Variants in DTWD2 observed in about 807,000 individuals in gnomAD.
The protein encoded by DTWD2 is DTW motif tRNA-uridine aminocarboxypropyltransferase 2.
A neutral mutation model predicts 31.8 loss-of-function variants in DTWD2; 39 were observed. That is an observed-to-expected ratio of 1.22 (90% CI 0.95 to 1.60). DTWD2 has a LOEUF of 1.60. Ranked by LOEUF, DTWD2 falls within the 40% of genes most tolerant of loss-of-function variation. The pLI is 0.00. For missense variants in DTWD2, 515 were observed against 381.5 expected (o/e 1.35, Z -2.92); for synonymous variants, 180 against 142.8 (o/e 1.26, Z -1.86).
intron 1 of DTWD2, among the ~76,000 whole-genome samples, chr5:118,973,401 C>T (rs1274019802): frequency 6.6e-6 from 1 of 152,100 alleles, no homozygotes; most frequent in Non-Finnish European, 1.5e-5. Flanking sequence ...ACTTGTTTTT[C>T]CTTTCCGTAT....
At chr5:118,853,422 C>T (rs547623238) in intron 4 of DTWD2, among the ~76,000 whole-genome samples, 8 of 152,220 alleles carry the variant, frequency 5.3e-5, no homozygotes, top group Admixed American at 5.2e-4. Context: ...GAAAATAAAT[C>T]ATTCTACCAA....
intron 4 of DTWD2, among the ~76,000 whole-genome samples, chr5:118,863,667 T>C (rs575497257): frequency 3.3e-5 from 5 of 152,324 alleles, no homozygotes; most frequent in Non-Finnish European, 7.4e-5. Context: ...TTTTTGGACA[T>C]AGAAGACATG....
intron 4 of DTWD2, among the ~76,000 whole-genome samples, chr5:118,872,305 C>A (rs1388637099): frequency 1.3e-5 from 2 of 152,148 alleles, no homozygotes; most frequent in African/African-American, 4.8e-5. Flanking sequence ...AATAAATTTT[C>A]TTTTGCATTC....
At chr5:118,926,888 A>G (rs578138535) in intron 4 of DTWD2, among the ~76,000 whole-genome samples, 2 of 152,274 alleles carry the variant, frequency 1.3e-5, no homozygotes, top group South Asian at 4.1e-4. Context: ...AAATCTTAAT[A>G]AAGAAATTTA....
intron 2 of DTWD2, among the ~76,000 whole-genome samples, chr5:118,942,953 C>T (rs1034508141): frequency 1.3e-5 from 2 of 152,104 alleles, no homozygotes; most frequent in Non-Finnish European, 2.9e-5. Context: ...TAGGCATACA[C>T]CACCACACTT....
At chr5:118,974,009 G>A (rs1306538270) in intron 1 of DTWD2, 15 of 1,601,212 alleles carry the variant, frequency 9.4e-6, no homozygotes, top group African/African-American at 1.3e-5. Flanking sequence ...TGATGGTGAG[G>A]AAGAGGATGG....
chr5:118,962,272 GA>G (rs1025799295), intron 1 of DTWD2, among the ~76,000 whole-genome samples: 3 of 152,040 alleles, frequency 2.0e-5, no homozygotes, highest in African/African-American at 7.2e-5. Context: ...ATAAATTAGA[GA>G]AAATACATTA....
At chr5:118,884,904 G>A (rs919538144) in intron 4 of DTWD2, among the ~76,000 whole-genome samples, 1 of 148,428 alleles carries the variant, frequency 6.7e-6, no homozygotes, top group Non-Finnish European at 1.5e-5. Flanking sequence ...GCTGAGGCAG[G>A]AGAATGGCAT....
chr5:118,885,153 T>TGA (rs543283996), intron 4 of DTWD2, among the ~76,000 whole-genome samples: 1 of 132,582 alleles, frequency 7.5e-6, no homozygotes, highest in African/African-American at 2.8e-5. Flanking sequence ...TACAAAAAAT[T>TGA]AAAAAAAAAA....
intron 1 of DTWD2, chr5:118,973,891 C>G (rs1269387519): frequency 2.5e-6 from 4 of 1,609,204 alleles, no homozygotes; most frequent in African/African-American, 1.3e-5. Context: ...ATGGAAGAGA[C>G]GCCCCTGCTA....
intron 4 of DTWD2, among the ~76,000 whole-genome samples, chr5:118,881,217 T>C (rs1752732969): frequency 6.6e-6 from 1 of 152,334 alleles, no homozygotes; most frequent in African/African-American, 2.4e-5. Flanking sequence ...TTTTAAAATA[T>C]CTGTTAAGTC....
chr5:118,851,772 T>C (rs1752012473), intron 4 of DTWD2, among the ~76,000 whole-genome samples: 1 of 150,146 alleles, frequency 6.7e-6, no homozygotes, highest in Admixed American at 6.7e-5. Flanking sequence ...CACACCAACA[T>C]GGCACATGTA....
intron 4 of DTWD2, among the ~76,000 whole-genome samples, chr5:118,873,863 A>C (rs1752563968): frequency 6.6e-6 from 1 of 152,116 alleles, no homozygotes; most frequent in Admixed American, 6.5e-5. Context: ...CTCCAGGAGG[A>C]GACTTTGCAA....
At chr5:118,900,045 G>T (rs1753171504) in intron 4 of DTWD2, among the ~76,000 whole-genome samples, 1 of 152,022 alleles carries the variant, frequency 6.6e-6, no homozygotes, top group Non-Finnish European at 1.5e-5. Flanking sequence ...GACCCAAATT[G>T]ATCTGCCCAC....
At chr5:118,902,968 A>T (rs1257486672) in intron 4 of DTWD2, among the ~76,000 whole-genome samples, 1 of 152,114 alleles carries the variant, frequency 6.6e-6, no homozygotes, top group African/African-American at 2.4e-5. Flanking sequence ...TCCTTTGGGT[A>T]TATCTATGTT....
chr5:118,867,520 G>A (rs952027262), intron 4 of DTWD2, among the ~76,000 whole-genome samples: 1 of 152,182 alleles, frequency 6.6e-6, no homozygotes. Context: ...AACCAGGACT[G>A]TCACTTTCTA....
At chr5:118,950,188 C>T (rs1246223457) in intron 1 of DTWD2, among the ~76,000 whole-genome samples, 1 of 122,692 alleles carries the variant, frequency 8.2e-6, no homozygotes, top group African/African-American at 3.3e-5. Flanking sequence ...ACTCCAGCCT[C>T]GGTGACAGAG....
At position 118,959,364 on chromosome 5, in the gene DTWD2, T is replaced by A. The variant is rs530642110; in HGVS notation, c.219-14715A>T. The stretch of plus-strand genomic sequence containing the variant: ...CCACTCACAATAGACACAAAAAGAA[T>A]AAAAATACTTAGGAATATAGCTAAC... On this transcript the variant is annotated intron_variant, in intron 1 of 5. Coordinates refer to ENST00000510708, the MANE Select transcript of DTWD2 (RefSeq NM_173666.4). Among the ~76,000 whole-genome samples the A allele has an allele frequency of 1.2e-3, 176 of 151,980 alleles. 1 individual carries two copies. Among genetic ancestry groups the A allele is most frequent in the African/African-American group, 4.2e-3 (173 of 41,490 alleles).
chr5:118,869,226 C>G (rs1533107), intron 4 of DTWD2, among the ~76,000 whole-genome samples: 19,843 of 151,628 alleles, frequency 0.13, 1,384 homozygotes, highest in Non-Finnish European at 0.16. Context: ...TGTATTTTAC[C>G]ACAACTTTTT....
Sources: allele counts gnomAD v4.1 joint callset (sites outside exome capture counted in the v4.1 genomes callset), GRCh38; gene constraint gnomAD v4.1.1; transcripts MANE v1.5; gene names NCBI Gene and HGNC (gene_info 2026-07-23, HGNC 2026-07-21).